C8orf34: variants seen among roughly 807,000 people sequenced by gnomAD.
The protein encoded by C8orf34 is chromosome 8 open reading frame 34, also known as uncharacterized protein C8orf34.
C8orf34 carries 65 observed loss-of-function variants against 68.3 expected under a neutral mutation model. That is an observed-to-expected ratio of 0.95 (90% CI 0.78 to 1.17). The LOEUF (loss-of-function observed/expected upper bound fraction) is 1.17. Ranked by LOEUF, C8orf34 falls within the 50% of genes most tolerant of loss-of-function variation. The pLI is 0.00. For synonymous variants in C8orf34, 244 were observed against 241.2 expected, an observed-to-expected ratio of 1.01 and a Z score of -0.11; for missense variants, 664 against 655.4, an observed-to-expected ratio of 1.01 and a Z score of -0.14.
intron 7 of C8orf34, among the ~76,000 whole-genome samples, chr8:68,539,899 G>A (rs190613074): frequency 3.3e-5 from 5 of 151,694 alleles, no homozygotes; most frequent in East Asian, 3.9e-4. Context: ...ACATGTTAAC[G>A]GAAGAGTGGG....
intron 7 of C8orf34, among the ~76,000 whole-genome samples, chr8:68,617,654 G>T (rs7830336): frequency 6.6e-6 from 1 of 152,052 alleles, no homozygotes; most frequent in Non-Finnish European, 1.5e-5. Flanking sequence ...TGAGAGATCC[G>T]CTGTTAGTCT....
chr8:68,390,400 A>G (rs1056891917), intron 1 of C8orf34, among the ~76,000 whole-genome samples: 3 of 152,136 alleles, frequency 2.0e-5, no homozygotes, highest in African/African-American at 7.2e-5. Flanking sequence ...TTCTAAATAT[A>G]TCATAAAGGG....
chr8:68,807,234 G>C (rs530660329), intron 12 of C8orf34, among the ~76,000 whole-genome samples: 4 of 152,122 alleles, frequency 2.6e-5, no homozygotes, highest in Non-Finnish European at 5.9e-5. Context: ...CAATGGACAT[G>C]GTTCTACCAC....
chr8:68,502,475 A>C (rs1390672643), intron 5 of C8orf34, among the ~76,000 whole-genome samples: 1 of 152,206 alleles, frequency 6.6e-6, no homozygotes, highest in Non-Finnish European at 1.5e-5. Flanking sequence ...GATGAGTAAG[A>C]TATAATAACC....
At chr8:68,640,610 C>A in intron 8 of C8orf34, 99 bp downstream of exon 8, 1 of 1,210,456 alleles carries the variant, frequency 8.3e-7, no homozygotes, top group East Asian at 2.6e-5. Flanking sequence ...TTAAGAACAT[C>A]TTTTCCTTCC....
chr8:68,478,185 C>T (rs1434990391), intron 4 of C8orf34, among the ~76,000 whole-genome samples: 1 of 151,988 alleles, frequency 6.6e-6, no homozygotes, highest in African/African-American at 2.4e-5. Flanking sequence ...GCTCTGCTTC[C>T]CTTTTAAACA....
intron 1 of C8orf34, among the ~76,000 whole-genome samples, chr8:68,392,937 T>C (rs1177420812): frequency 6.6e-6 from 1 of 152,158 alleles, no homozygotes; most frequent in Admixed American, 6.5e-5. Flanking sequence ...AAAAACACAT[T>C]CTCTTTTGAA....
intron 12 of C8orf34, among the ~76,000 whole-genome samples, chr8:68,803,423 G>T (rs926763204): frequency 2.6e-5 from 4 of 151,968 alleles, no homozygotes; most frequent in Non-Finnish European, 5.9e-5. Context: ...TGCATAAAAA[G>T]TGTTTGATAA....
chr8:68,576,330 A>G (rs1365090786), intron 7 of C8orf34, among the ~76,000 whole-genome samples: 1 of 148,640 alleles, frequency 6.7e-6, no homozygotes, highest in East Asian at 1.9e-4. Context: ...AAGGAATAAA[A>G]CACAAACAAT....
intron 10 of C8orf34, among the ~76,000 whole-genome samples, chr8:68,745,978 C>T (rs865921098): frequency 1.3e-5 from 2 of 151,972 alleles, no homozygotes; most frequent in Admixed American, 6.6e-5. Flanking sequence ...TGACCACATA[C>T]TTGGAAGTAA....
chr8:68,752,203 G>A (rs1822727357), intron 10 of C8orf34, among the ~76,000 whole-genome samples: 1 of 152,150 alleles, frequency 6.6e-6, no homozygotes. Context: ...TCCTCATTTA[G>A]AGTGATCAAA....
intron 1 of C8orf34, among the ~76,000 whole-genome samples, chr8:68,408,367 A>T (rs1469209030): frequency 6.6e-6 from 1 of 151,928 alleles, no homozygotes; most frequent in Non-Finnish European, 1.5e-5. Context: ...CAATAAATGT[A>T]ATGCTCTTGA....
intron 1 of C8orf34, among the ~76,000 whole-genome samples, chr8:68,386,971 G>A (rs1031437147): frequency 6.6e-6 from 1 of 152,006 alleles, no homozygotes; most frequent in Non-Finnish European, 1.5e-5. Flanking sequence ...CTGCTTTAGG[G>A]AAAGGCATTA....
chr8:68,818,030 T>C (rs1277399247), intron 13 of C8orf34, among the ~76,000 whole-genome samples: 1 of 152,162 alleles, frequency 6.6e-6, no homozygotes, highest in East Asian at 1.9e-4. Flanking sequence ...CATATCACCA[T>C]CTAATGTGAT....
chr8:68,741,308 A>G (rs1822285306), intron 10 of C8orf34, among the ~76,000 whole-genome samples: 1 of 152,136 alleles, frequency 6.6e-6, no homozygotes, highest in Non-Finnish European at 1.5e-5. Context: ...ATTTTATTTC[A>G]TTTTAAATTG....
chr8:68,637,110 T>C (rs956271643), intron 7 of C8orf34, among the ~76,000 whole-genome samples: 3 of 152,188 alleles, frequency 2.0e-5, no homozygotes, highest in Non-Finnish European at 4.4e-5. Flanking sequence ...ATGGTACATA[T>C]ACCACCATGA....
At chr8:68,522,055 G>T in intron 6 of C8orf34, 84 bp downstream of exon 6, 1 of 1,279,268 alleles carries the variant, frequency 7.8e-7, no homozygotes, top group Non-Finnish European at 1.1e-6. Context: ...TGGTTTTTAT[G>T]AAATCCGTTT....
intron 7 of C8orf34, among the ~76,000 whole-genome samples, chr8:68,639,430 T>C (rs1174376975): frequency 6.6e-6 from 1 of 152,016 alleles, no homozygotes; most frequent in Non-Finnish European, 1.5e-5. Context: ...TTGACACTCA[T>C]TTGTAATATC....
At chr8:68,685,586 T>C (rs1036517678) in intron 8 of C8orf34, among the ~76,000 whole-genome samples, 1 of 152,116 alleles carries the variant, frequency 6.6e-6, no homozygotes, top group African/African-American at 2.4e-5. Context: ...TTGGATGTGG[T>C]GGCTCATGCC....
Sources: allele counts gnomAD v4.1 joint callset (sites outside exome capture counted in the v4.1 genomes callset), GRCh38; gene constraint gnomAD v4.1.1; transcripts MANE v1.5; gene names NCBI Gene and HGNC (gene_info 2026-07-23, HGNC 2026-07-21).